GRID2: variants seen among roughly 807,000 people sequenced by gnomAD.
GRID2 encodes glutamate receptor ionotropic, delta-2.
In GRID2, 33 loss-of-function variants were observed where a neutral mutation model predicts 114.8. That is an observed-to-expected ratio of 0.29 (90% CI 0.22 to 0.38). GRID2 has a LOEUF of 0.38. GRID2 is among the 10% of genes least tolerant of loss of function. The probability of loss-of-function intolerance (pLI) is 1.00; values close to 1 mark genes in which losing one functional copy is unlikely to be tolerated. For missense variants in GRID2, 1,184 were observed against 1,257.7 expected, an observed-to-expected ratio of 0.94 and a Z score of 0.89; for synonymous variants, 505 against 449.9, an observed-to-expected ratio of 1.12 and a Z score of -1.55.
intron 14 of GRID2, among the ~76,000 whole-genome samples, chr4:93,631,550 C>A (rs535634596): frequency 5.9e-5 from 9 of 152,224 alleles, no homozygotes; most frequent in East Asian, 3.9e-4. Context: ...TGAACTCATC[C>A]TTTTTTATGG....
At chr4:92,795,316 A>G (rs1320022307) in intron 2 of GRID2, among the ~76,000 whole-genome samples, 1 of 151,854 alleles carries the variant, frequency 6.6e-6, no homozygotes, top group Non-Finnish European at 1.5e-5. Context: ...AATACGTCTC[A>G]AGAGATCTGA....
chr4:92,590,180 T>G lies in GRID2; in HGVS notation c.138T>G (p.Thr46=). 1.2e-6 allele frequency: 2 copies of G among 1,612,144 alleles called. No homozygotes were observed. Among genetic ancestry groups the G allele is most frequent in the South Asian group, 2.2e-5 (2 of 91,034 alleles). ...AAAAGGATGATGAGGTATTTCGCACTGCGGTTGGTGACCTTAACCAGAATG... is the reference window on the plus strand; with the variant it reads ...AAAAGGATGATGAGGTATTTCGCACGGCGGTTGGTGACCTTAACCAGAATG... ...SAKKDDEVFR[T]AVGDLNQNEE... The change falls in exon 2 of 16, where the codon ACT becomes ACG. Residue 46 remains threonine, a synonymous_variant. Coordinates refer to ENST00000282020, the MANE Select transcript of GRID2 (RefSeq NM_001510.4).
intron 1 of GRID2, among the ~76,000 whole-genome samples, chr4:92,372,876 A>C (rs1729183858): frequency 6.6e-6 from 1 of 152,232 alleles, no homozygotes; most frequent in African/African-American, 2.4e-5. Flanking sequence ...TTAAATTATT[A>C]ATAAGAACAT....
At chr4:93,548,886 T>C (rs1306117817) in intron 13 of GRID2, among the ~76,000 whole-genome samples, 4 of 152,044 alleles carry the variant, frequency 2.6e-5, no homozygotes, top group Non-Finnish European at 5.9e-5. Flanking sequence ...CAACAGTGAA[T>C]CACATCACCA....
chr4:93,586,731 G>A (rs1368773399), intron 13 of GRID2, among the ~76,000 whole-genome samples: 1 of 152,092 alleles, frequency 6.6e-6, no homozygotes, highest in African/African-American at 2.4e-5. Context: ...AAAACCTTCT[G>A]TTCCACTGGA....
At chr4:93,024,485 G>A (rs967365812) in intron 2 of GRID2, among the ~76,000 whole-genome samples, 2 of 151,662 alleles carry the variant, frequency 1.3e-5, no homozygotes, top group African/African-American at 4.8e-5. Context: ...AAGCAAATTT[G>A]CCTGTAAAAT....
chr4:93,622,462 T>C (rs1742297819), intron 13 of GRID2, among the ~76,000 whole-genome samples: 1 of 152,202 alleles, frequency 6.6e-6, no homozygotes, highest in Non-Finnish European at 1.5e-5. Flanking sequence ...AACATCATCA[T>C]GCAGTAACTT....
chr4:93,045,341 G>A (rs1376727088), intron 2 of GRID2, among the ~76,000 whole-genome samples: 1 of 151,992 alleles, frequency 6.6e-6, no homozygotes, highest in Non-Finnish European at 1.5e-5. Flanking sequence ...ATCTGCTCAT[G>A]TGGTATCTGC....
chr4:92,431,921 T>A (rs1732475316), intron 1 of GRID2, among the ~76,000 whole-genome samples: 1 of 152,246 alleles, frequency 6.6e-6, no homozygotes, highest in Non-Finnish European at 1.5e-5. Context: ...AATCTAAGTC[T>A]TTGGTCATCA....
At chr4:92,315,246 T>A (rs1725905748) in intron 1 of GRID2, among the ~76,000 whole-genome samples, 1 of 152,192 alleles carries the variant, frequency 6.6e-6, no homozygotes, top group Non-Finnish European at 1.5e-5. Context: ...TAAAAACATT[T>A]CATCATATGG....
At chr4:92,816,608 T>G (rs963599953) in intron 2 of GRID2, among the ~76,000 whole-genome samples, 3 of 152,082 alleles carry the variant, frequency 2.0e-5, no homozygotes, top group African/African-American at 7.2e-5. Context: ...ACAAATATCT[T>G]AAGTATTTTC....
downstream of GRID2, chr4:93,810,263 T>C (rs184093694): frequency 4.6e-5 from 7 of 152,320 alleles, no homozygotes; most frequent in East Asian, 1.2e-3. Context: ...AGCAGAAAAC[T>C]CTTCCTTTCC....
chr4:93,064,758 G>T (rs1413917450), intron 2 of GRID2, among the ~76,000 whole-genome samples: 1 of 151,814 alleles, frequency 6.6e-6, no homozygotes, highest in Non-Finnish European at 1.5e-5. Context: ...ATTTTCTACT[G>T]CATCCCAAAT....
chr4:92,905,929 C>T (rs551134127), intron 2 of GRID2, among the ~76,000 whole-genome samples: 13 of 152,134 alleles, frequency 8.5e-5, no homozygotes, highest in Non-Finnish European at 1.9e-4. Flanking sequence ...ATAATTAAGT[C>T]TTAATATGCA....
At chr4:93,158,586 G>T (rs914463348) in intron 4 of GRID2, among the ~76,000 whole-genome samples, 2 of 151,450 alleles carry the variant, frequency 1.3e-5, no homozygotes, top group Admixed American at 1.3e-4. Flanking sequence ...TTGTAATTCT[G>T]AACTTCTACT....
At chr4:93,007,046 GA>G (rs1462580171) in intron 2 of GRID2, among the ~76,000 whole-genome samples, 1 of 151,832 alleles carries the variant, frequency 6.6e-6, no homozygotes, top group African/African-American at 2.4e-5. Context: ...ACAAAGATGT[GA>G]AATGAAATCT....
At chr4:93,607,979 A>T (rs909852775) in intron 13 of GRID2, among the ~76,000 whole-genome samples, 1 of 151,324 alleles carries the variant, frequency 6.6e-6, no homozygotes, top group African/African-American at 2.4e-5. Context: ...GGCTTTGTGA[A>T]TGGTGTTTTT....
chr4:92,433,804 T>C (rs2110345096), intron 1 of GRID2, among the ~76,000 whole-genome samples: 1 of 152,294 alleles, frequency 6.6e-6, no homozygotes, highest in African/African-American at 2.4e-5. Context: ...TCTACCTACC[T>C]TTCCTAAAAT....
chr4:93,701,248 A>G (rs1403563289), intron 14 of GRID2, among the ~76,000 whole-genome samples: 2 of 152,216 alleles, frequency 1.3e-5, no homozygotes, highest in South Asian at 4.1e-4. Flanking sequence ...TCAAATCAAG[A>G]ACTTTATTTC....
Sources: allele counts gnomAD v4.1 joint callset (sites outside exome capture counted in the v4.1 genomes callset), GRCh38; gene constraint gnomAD v4.1.1; transcripts MANE v1.5; gene names NCBI Gene and HGNC (gene_info 2026-07-23, HGNC 2026-07-21).